SEMA6D: variants seen among roughly 807,000 people sequenced by gnomAD.
SEMA6D encodes the protein semaphorin-6D.
A neutral mutation model predicts 106.6 loss-of-function variants in SEMA6D; 35 were observed. The ratio of observed to expected loss-of-function variants is 0.33; its 90% confidence interval spans 0.25 to 0.44. SEMA6D has a LOEUF of 0.44. SEMA6D is among the 20% of genes least tolerant of loss of function. The pLI, the probability that SEMA6D is intolerant of heterozygous loss-of-function variation, is 1.00. For synonymous variants in SEMA6D, 499 were observed against 487.7 expected (o/e 1.02, Z -0.31); for missense variants, 1,185 against 1,345.9 (o/e 0.88, Z 1.87).
chr15:47,467,901 A>G (rs1280060694), intron 2 of SEMA6D, among the ~76,000 whole-genome samples: 1 of 152,038 alleles, frequency 6.6e-6, no homozygotes, highest in African/African-American at 2.4e-5. Context: ...ATTGTCTTTA[A>G]TTTTACGGCC....
At chr15:47,271,125 G>GT (rs1220058034) in intron 1 of SEMA6D, among the ~76,000 whole-genome samples, 1 of 152,106 alleles carries the variant, frequency 6.6e-6, no homozygotes, top group Non-Finnish European at 1.5e-5. Context: ...TTATTTCATG[G>GT]TTTTTTGACA....
At chr15:47,293,453 C>G (rs569514006) in intron 1 of SEMA6D, among the ~76,000 whole-genome samples, 7 of 152,062 alleles carry the variant, frequency 4.6e-5, no homozygotes, top group Admixed American at 1.3e-4. Flanking sequence ...TCCTTGGTGT[C>G]GAGAGGTGGC....
In SEMA6D at chr15:47,552,791, T is replaced by TA. The variant is rs1566882099; in HGVS notation, c.-86-48074_-86-48073insA. On this transcript the variant is annotated intron_variant, in intron 3 of 19. Coordinates refer to the SEMA6D transcript ENST00000558014. ...CAGTGACAACCTGTTTATATATATT[T>TA]TTATATATATATAAAAATATATATA... Among the ~76,000 whole-genome samples, 37 of 43,342 alleles carry TA rather than the reference T, an allele frequency of 8.5e-4. 3 individuals carry two copies. Among genetic ancestry groups the TA allele is most frequent in the African/African-American group, 2.5e-3 (29 of 11,810 alleles). 28.4% of individuals were successfully genotyped at this position (43,342 alleles called of 152,430 possible).
At chr15:47,630,496 AT>A (rs946136212) in intron 4 of SEMA6D, among the ~76,000 whole-genome samples, 33 of 151,420 alleles carry the variant, frequency 2.2e-4, no homozygotes, top group Admixed American at 2.1e-3. Flanking sequence ...CTTTTTATAG[AT>A]TTTTTTTGAG....
chr15:47,626,755 C>T (rs916507801), intron 4 of SEMA6D, among the ~76,000 whole-genome samples: 2 of 151,966 alleles, frequency 1.3e-5, no homozygotes, highest in African/African-American at 4.8e-5. Flanking sequence ...AACAAGTCCC[C>T]TTGTTTGATA....
chr15:47,744,731 C>T (rs74699770), intron 1 of SEMA6D, among the ~76,000 whole-genome samples: 7 of 152,198 alleles, frequency 4.6e-5, no homozygotes, highest in Non-Finnish European at 8.8e-5. Context: ...GCAGCGATCG[C>T]GCACTCTCCT....
chr15:47,773,988 GTTAAT>G lies in SEMA6D; in HGVS notation c.*2211_*2215del, dbSNP rs1475549758. ...TAACATTAAATCTAGTCTCTATCCT[GTTAAT>G]TTAATTTTTAAATGCTTTATCCATT... On this transcript the variant is annotated 3_prime_UTR_variant, in exon 19 of 19. Transcript: ENST00000536845. 1.3e-5 allele frequency: 2 copies of G among 152,552 alleles called. No homozygotes were observed. The highest frequency in any genetic ancestry group is 1.9e-4 in the East Asian group (1 of 5,184). 9.4% of individuals were successfully genotyped at this position (152,552 alleles called of 1,614,324 possible).
At chr15:47,215,502 T>C (rs1446355168) in intron 1 of SEMA6D, among the ~76,000 whole-genome samples, 1 of 152,194 alleles carries the variant, frequency 6.6e-6, no homozygotes, top group African/African-American at 2.4e-5. Context: ...GTTTTATATA[T>C]GAATTTAGCT....
chr15:47,649,799 T>A (rs2077651888), intron 4 of SEMA6D, among the ~76,000 whole-genome samples: 1 of 150,326 alleles, frequency 6.7e-6, no homozygotes, highest in South Asian at 2.1e-4. Context: ...TTTTCAAAGA[T>A]ATTGCTATAC....
intron 1 of SEMA6D, among the ~76,000 whole-genome samples, chr15:47,308,457 T>G (rs1434561573): frequency 6.6e-6 from 1 of 152,210 alleles, no homozygotes; most frequent in African/African-American, 2.4e-5. Flanking sequence ...AGTATTATAC[T>G]TTACCTATAA....
chr15:47,522,373 C>T (rs1456532132), intron 3 of SEMA6D, among the ~76,000 whole-genome samples: 1 of 152,120 alleles, frequency 6.6e-6, no homozygotes, highest in African/African-American at 2.4e-5. Flanking sequence ...TGTGCTATTT[C>T]CCACAATTAT....
Position 47,502,217 on chromosome 15 carries a change from A to G in SEMA6D, c.-87+31672A>G, listed in dbSNP as rs574486420. Reference sequence around the variant, plus strand: ...ATATTCGGCTCTGTTCCCAAAATACATTTTTTGACAGAAGACAAATTAGAT... The same window carrying G: ...ATATTCGGCTCTGTTCCCAAAATACGTTTTTTGACAGAAGACAAATTAGAT... On this transcript the variant is annotated intron_variant, in intron 3 of 19. Coordinates refer to the SEMA6D transcript ENST00000558014. 4.6e-5 allele frequency among the ~76,000 whole-genome samples: 7 copies of G among 152,330 alleles called. No homozygotes were observed. In the Middle Eastern group the frequency reaches 0.017, roughly 370 times the overall value.
chr15:47,209,061 A>G (rs1158185545), intron 1 of SEMA6D, among the ~76,000 whole-genome samples: 1 of 152,220 alleles, frequency 6.6e-6, no homozygotes, highest in Non-Finnish European at 1.5e-5. Context: ...TGCAATAGCT[A>G]GACCCAAGGC....
intron 4 of SEMA6D, among the ~76,000 whole-genome samples, chr15:47,672,702 G>T (rs993845751): frequency 1.3e-5 from 2 of 151,866 alleles, no homozygotes; most frequent in Admixed American, 1.3e-4. Context: ...TCTCTTTCTG[G>T]TTCAATAATG....
intron 2 of SEMA6D, among the ~76,000 whole-genome samples, chr15:47,427,139 A>G (rs533494369): frequency 6.6e-6 from 1 of 152,266 alleles, no homozygotes; most frequent in South Asian, 2.1e-4. Flanking sequence ...TAAAGACATG[A>G]CATTGCAAGT....
intron 1 of SEMA6D, among the ~76,000 whole-genome samples, chr15:47,390,729 G>A (rs1373643150): frequency 1.3e-5 from 2 of 151,898 alleles, no homozygotes; most frequent in African/African-American, 4.8e-5. Flanking sequence ...GAAGACATTA[G>A]TAGGTGATAA....
At chr15:47,483,746 C>T (rs2043217993) in intron 3 of SEMA6D, among the ~76,000 whole-genome samples, 1 of 152,146 alleles carries the variant, frequency 6.6e-6, no homozygotes, top group Admixed American at 6.6e-5. Context: ...TATCAGTCAG[C>T]AGAGTTCAAT....
At chr15:47,494,764 AT>A (rs1422715103) in intron 3 of SEMA6D, among the ~76,000 whole-genome samples, 2,384 of 93,790 alleles carry the variant, frequency 0.025, 212 homozygotes, top group African/African-American at 0.1. Context: ...ATATATATAT[AT>A]ATATATATAT....
chr15:47,455,859 G>C (rs535902735), intron 2 of SEMA6D, among the ~76,000 whole-genome samples: 4 of 151,990 alleles, frequency 2.6e-5, no homozygotes, highest in South Asian at 4.1e-4. Flanking sequence ...TATAGTAATA[G>C]GTTCATGTAG....
Sources: allele counts gnomAD v4.1 joint callset (sites outside exome capture counted in the v4.1 genomes callset), GRCh38; gene constraint gnomAD v4.1.1; transcripts MANE v1.5; gene names NCBI Gene and HGNC (gene_info 2026-07-23, HGNC 2026-07-21).